ZBTB20: variants seen among roughly 807,000 people sequenced by gnomAD.
ZBTB20 encodes zinc finger and BTB domain-containing protein 20.
Under a neutral mutation model 56.9 loss-of-function variants are expected in ZBTB20, and 9 were observed. The observed-to-expected ratio is 0.16, with a 90% CI of 0.10 to 0.28. The LOEUF is 0.28. ZBTB20 is among the 10% of genes least tolerant of loss of function. The probability of loss-of-function intolerance (pLI) is 1.00; values close to 1 mark genes in which losing one functional copy is unlikely to be tolerated. For synonymous variants in ZBTB20, 417 were observed against 420.7 expected, an observed-to-expected ratio of 0.99 and a Z score of 0.11; for missense variants, 655 against 1,003.0, an observed-to-expected ratio of 0.65 and a Z score of 4.69.
intron 1 of ZBTB20, among the ~76,000 whole-genome samples, chr3:115,086,638 T>C (rs754100437): frequency 7.2e-5 from 11 of 151,992 alleles, no homozygotes; most frequent in Admixed American, 2.0e-4. Context: ...ATTCTTAGAA[T>C]GGAATACAGG....
chr3:114,345,701 GGGGTGGGGGTGAA>G (rs939457700), intron 11 of ZBTB20, among the ~76,000 whole-genome samples: 2 of 152,110 alleles, frequency 1.3e-5, no homozygotes, highest in African/African-American at 4.8e-5. Flanking sequence ...TAGGATGTCT[GGGGTGGGGGTGAA>G]GGGTGGGGGA....
chr3:114,655,276 C>T (rs1194022920), intron 6 of ZBTB20, among the ~76,000 whole-genome samples: 98 of 107,102 alleles, frequency 9.2e-4, no homozygotes, highest in Non-Finnish European at 1.5e-3. Context: ...GACGGAGTCT[C>T]GCTTTGTCGC....
chr3:114,446,038 T>C (rs1191569841), intron 7 of ZBTB20, among the ~76,000 whole-genome samples: 1 of 152,134 alleles, frequency 6.6e-6, no homozygotes, highest in Non-Finnish European at 1.5e-5. Flanking sequence ...TAACGTTTGT[T>C]CTTTTTATGG....
intron 4 of ZBTB20, among the ~76,000 whole-genome samples, chr3:114,898,783 ACAC>A (rs2074990261): frequency 6.6e-6 from 1 of 152,136 alleles, no homozygotes; most frequent in Non-Finnish European, 1.5e-5. Context: ...AGGAAAAGAC[ACAC>A]CAACTCTAAG....
intron 5 of ZBTB20, among the ~76,000 whole-genome samples, chr3:114,785,855 C>T (rs564277133): frequency 2.0e-5 from 3 of 152,254 alleles, no homozygotes; most frequent in African/African-American, 7.2e-5. Context: ...ACTATAGTCA[C>T]TATGCTGTAT....
chr3:115,097,598 C>T (rs1018574485), intron 1 of ZBTB20, among the ~76,000 whole-genome samples: 6 of 152,128 alleles, frequency 3.9e-5, no homozygotes, highest in African/African-American at 1.2e-4. Flanking sequence ...GAAGTAACTT[C>T]TTAGAGCACT....
At chr3:114,772,542 T>A (rs576793470) in intron 5 of ZBTB20, among the ~76,000 whole-genome samples, 1 of 152,032 alleles carries the variant, frequency 6.6e-6, no homozygotes, top group Admixed American at 6.6e-5. Context: ...AACTTGGTTT[T>A]CCCTCGCCCC....
At chr3:115,082,759 GC>G (rs2082843371) in intron 1 of ZBTB20, among the ~76,000 whole-genome samples, 1 of 151,938 alleles carries the variant, frequency 6.6e-6, no homozygotes, top group African/African-American at 2.4e-5. Context: ...AGAAAAACTG[GC>G]AAGCAAAAAG....
intron 8 of ZBTB20, among the ~76,000 whole-genome samples, chr3:114,386,275 A>AT (rs990437445): frequency 6.6e-6 from 1 of 151,754 alleles, no homozygotes; most frequent in Non-Finnish European, 1.5e-5. Context: ...TCTCAATCTT[A>AT]TTTTTTTTAA....
At chr3:114,887,121 T>G (rs1189663974) in intron 4 of ZBTB20, among the ~76,000 whole-genome samples, 1 of 152,046 alleles carries the variant, frequency 6.6e-6, no homozygotes, top group African/African-American at 2.4e-5. Context: ...CCAGTCCCAT[T>G]CCCATGATAA....
chr3:114,806,036 T>C (rs545017257), intron 4 of ZBTB20, among the ~76,000 whole-genome samples: 7 of 152,040 alleles, frequency 4.6e-5, no homozygotes, highest in South Asian at 4.1e-4. Context: ...TTTTTTACTG[T>C]TACGAATAAT....
rs552525286 is a variant in ZBTB20 at position 115,055,783 on chromosome 3, T to C, written c.-507+15436A>G. Among the ~76,000 whole-genome samples, 10 of 152,230 alleles carry C rather than the reference T, an allele frequency of 6.6e-5. No individual in the cohort carries two copies. The South Asian group carries it at 2.1e-3, about 32-fold the overall frequency. On this transcript the variant is annotated intron_variant, in intron 2 of 11. Transcript: ENST00000675478. Reference sequence around the variant, plus strand: ...TTTCATAATCTTTTGCTGGCTCATGTTTACTTCATTAGCTGAGCAAGTGAA... The same window carrying C: ...TTTCATAATCTTTTGCTGGCTCATGCTTACTTCATTAGCTGAGCAAGTGAA...
At chr3:115,066,865 GA>G (rs1373202771) in intron 2 of ZBTB20, among the ~76,000 whole-genome samples, 2 of 152,000 alleles carry the variant, frequency 1.3e-5, no homozygotes, top group Non-Finnish European at 2.9e-5. Flanking sequence ...TCCAACAAAA[GA>G]GAGTGAAAAG....
intron 1 of ZBTB20, among the ~76,000 whole-genome samples, chr3:115,095,460 G>A (rs1308368212): frequency 6.6e-6 from 1 of 152,148 alleles, no homozygotes; most frequent in Non-Finnish European, 1.5e-5. Context: ...CTTGATCCTG[G>A]AGTATAAGAG....
At chr3:114,595,158 T>G (rs2056201910) in intron 6 of ZBTB20, among the ~76,000 whole-genome samples, 1 of 152,186 alleles carries the variant, frequency 6.6e-6, no homozygotes, top group South Asian at 2.1e-4. Context: ...TGCTGCCTAG[T>G]TTAGTACAAC....
chr3:114,817,720 T>A (rs1417070822), intron 4 of ZBTB20, among the ~76,000 whole-genome samples: 2 of 152,112 alleles, frequency 1.3e-5, no homozygotes, highest in East Asian at 1.9e-4. Context: ...GTGTTGTAAT[T>A]CATAATAACT....
chr3:114,867,940 C>T (rs969673036), intron 4 of ZBTB20, among the ~76,000 whole-genome samples: 1 of 151,968 alleles, frequency 6.6e-6, no homozygotes, highest in African/African-American at 2.4e-5. Context: ...TGTTAGACAC[C>T]CTCTCTGTCA....
intron 1 of ZBTB20, among the ~76,000 whole-genome samples, chr3:115,135,199 T>C (rs1521565): frequency 1.1e-3 from 171 of 152,318 alleles, no homozygotes; most frequent in African/African-American, 3.8e-3. Context: ...CAAGGTGTCA[T>C]GACAGTTGTT....
intron 2 of ZBTB20, among the ~76,000 whole-genome samples, chr3:115,005,796 C>T (rs2079441252): frequency 6.6e-6 from 1 of 151,734 alleles, no homozygotes; most frequent in Non-Finnish European, 1.5e-5. Context: ...TCACTAACTG[C>T]CTTGATAATT....
Sources: allele counts gnomAD v4.1 joint callset (sites outside exome capture counted in the v4.1 genomes callset), GRCh38; gene constraint gnomAD v4.1.1; transcripts MANE v1.5; gene names NCBI Gene and HGNC (gene_info 2026-07-23, HGNC 2026-07-21).